OSBP2: variants seen among roughly 807,000 people sequenced by gnomAD.
The protein encoded by OSBP2 is oxysterol-binding protein 2.
OSBP2 carries 66 observed loss-of-function variants against 96.0 expected under a neutral mutation model. The observed-to-expected ratio is 0.69, with a 90% confidence interval of 0.56 to 0.84. The LOEUF (loss-of-function observed/expected upper bound fraction) is 0.84, where lower values mean the gene tolerates loss of function less well. Among genes scored for constraint, OSBP2 ranks in the 40% least tolerant of loss-of-function variants. The pLI is 0.00. For synonymous variants in OSBP2, 525 were observed against 520.9 expected (o/e 1.01, Z -0.11); for missense variants, 1,038 against 1,222.7 (o/e 0.85, Z 2.25).
At chr22:30,789,443 T>C (rs2090642551) in intron 2 of OSBP2, among the ~76,000 whole-genome samples, 1 of 152,312 alleles carries the variant, frequency 6.6e-6, no homozygotes. Flanking sequence ...CTGCTTTCTC[T>C]ACACAAGTTC....
chr22:30,748,579 C>A (rs1407632154), intron 2 of OSBP2, among the ~76,000 whole-genome samples: 1 of 152,058 alleles, frequency 6.6e-6, no homozygotes, highest in Non-Finnish European at 1.5e-5. Context: ...GCCATGACAC[C>A]CTTGGCAGCA....
At chr22:30,739,472 G>T (rs185743120) in intron 1 of OSBP2, among the ~76,000 whole-genome samples, 42 of 152,158 alleles carry the variant, frequency 2.8e-4, no homozygotes, top group Middle Eastern at 3.4e-3. Flanking sequence ...CAACTCTGTA[G>T]TTCTTTTTTT....
chr22:30,812,221 A>G (rs1484959172), intron 2 of OSBP2, among the ~76,000 whole-genome samples: 1 of 152,044 alleles, frequency 6.6e-6, no homozygotes, highest in Admixed American at 6.5e-5. Flanking sequence ...GCTGGGGTGC[A>G]GTAGCGCAAT....
At chr22:30,803,152 TC>T (rs1290115897) in intron 2 of OSBP2, 4 of 172,468 alleles carry the variant, frequency 2.3e-5, no homozygotes, top group Non-Finnish European at 4.9e-5. Context: ...AGGACCCACG[TC>T]CACACCCGAG....
chr22:30,728,440 C>T (rs147075694), intron 1 of OSBP2, among the ~76,000 whole-genome samples: 12 of 150,650 alleles, frequency 8.0e-5, no homozygotes, highest in Admixed American at 2.7e-4. Context: ...CAGTAGTGCA[C>T]GGCTGTTTTT....
chr22:30,872,791 T>C (rs1300492742), intron 3 of OSBP2, among the ~76,000 whole-genome samples: 1 of 152,230 alleles, frequency 6.6e-6, no homozygotes, highest in African/African-American at 2.4e-5. Context: ...GGACCCTTCC[T>C]GACAGCCACT....
intron 1 of OSBP2, among the ~76,000 whole-genome samples, chr22:30,736,354 C>T (rs2089855426): frequency 6.6e-6 from 1 of 152,210 alleles, no homozygotes; most frequent in African/African-American, 2.4e-5. Context: ...CTCACCCACT[C>T]TTCTTTGTCT....
chr22:30,740,265 G>A (rs187374238), intron 1 of OSBP2, among the ~76,000 whole-genome samples: 1 of 152,150 alleles, frequency 6.6e-6, no homozygotes, highest in Non-Finnish European at 1.5e-5. Context: ...TGCTGAGTCA[G>A]TTCCTAGGTG....
At chr22:30,861,137 G>GC (rs1209584678) in intron 2 of OSBP2, among the ~76,000 whole-genome samples, 1 of 152,154 alleles carries the variant, frequency 6.6e-6, no homozygotes, top group Non-Finnish European at 1.5e-5. Flanking sequence ...TCTCTAGCCG[G>GC]CCCGGGGGTA....
At chr22:30,715,946 C>T (rs183472928) in intron 1 of OSBP2, among the ~76,000 whole-genome samples, 242 of 151,642 alleles carry the variant, frequency 1.6e-3, no homozygotes, top group African/African-American at 5.4e-3. Context: ...CCCACCTCAG[C>T]CTCCCAAAGT....
At chr22:30,880,979 T>C (rs2039691811) in intron 3 of OSBP2, among the ~76,000 whole-genome samples, 1 of 152,142 alleles carries the variant, frequency 6.6e-6, no homozygotes, top group Non-Finnish European at 1.5e-5. Context: ...TCCCTGGTGG[T>C]CAGGCAGGGC....
At chr22:30,737,468 G>A (rs147218712) in intron 1 of OSBP2, among the ~76,000 whole-genome samples, 7 of 149,068 alleles carry the variant, frequency 4.7e-5, no homozygotes, top group South Asian at 2.2e-4. Context: ...GACTACAGGC[G>A]CACACCACCT....
chr22:30,760,652 C>T (rs1440396536), intron 2 of OSBP2, among the ~76,000 whole-genome samples: 4 of 151,978 alleles, frequency 2.6e-5, no homozygotes, highest in Non-Finnish European at 5.9e-5. Flanking sequence ...CCTGTCTCTA[C>T]TGAAAATACA....
At chr22:30,708,874 G>A (rs2089299735) in intron 1 of OSBP2, among the ~76,000 whole-genome samples, 1 of 151,698 alleles carries the variant, frequency 6.6e-6, no homozygotes, top group South Asian at 2.1e-4. Context: ...GCCAAGGTGG[G>A]TGGATCACCT....
chr22:30,893,282 T>C, intron 9 of OSBP2, 40 bp downstream of exon 9: 2 of 1,613,492 alleles, frequency 1.2e-6, no homozygotes, highest in Non-Finnish European at 1.7e-6. Context: ...CACAGAGACA[T>C]TGTGCATAAG....
chr22:30,835,999 T>C (rs1386620175), intron 2 of OSBP2, among the ~76,000 whole-genome samples: 1 of 152,226 alleles, frequency 6.6e-6, no homozygotes, highest in Admixed American at 6.5e-5. Flanking sequence ...ATTACAGGCA[T>C]GAGCCACCAT....
intron 2 of OSBP2, among the ~76,000 whole-genome samples, chr22:30,777,238 A>G (rs2090449941): frequency 6.6e-6 from 1 of 152,048 alleles, no homozygotes; most frequent in Non-Finnish European, 1.5e-5. Flanking sequence ...GTGGGATGAT[A>G]TGGTTTGGCT....
intron 1 of OSBP2, among the ~76,000 whole-genome samples, chr22:30,713,854 A>G (rs945123964): frequency 6.6e-6 from 1 of 152,202 alleles, no homozygotes; most frequent in African/African-American, 2.4e-5. Flanking sequence ...TAATGATCAA[A>G]TCAAAGTAAC....
At chr22:30,845,483 GAC>G (rs1467962230) in intron 2 of OSBP2, among the ~76,000 whole-genome samples, 1 of 151,786 alleles carries the variant, frequency 6.6e-6, no homozygotes, top group Non-Finnish European at 1.5e-5. Context: ...ACCAAAATGT[GAC>G]ACAGAGACAT....
Sources: allele counts gnomAD v4.1 joint callset (sites outside exome capture counted in the v4.1 genomes callset), GRCh38; gene constraint gnomAD v4.1.1; transcripts MANE v1.5; gene names NCBI Gene and HGNC (gene_info 2026-07-23, HGNC 2026-07-21).